Variants in MYO3A observed in about 807,000 individuals in gnomAD.
MYO3A encodes myosin-IIIa.
A neutral mutation model predicts 192.7 loss-of-function variants in MYO3A; 180 were observed. The observed-to-expected ratio is 0.93, with a 90% CI of 0.83 to 1.06. The LOEUF (loss-of-function observed/expected upper bound fraction) is 1.06, where lower values mean the gene tolerates loss of function less well. Among genes scored for constraint, MYO3A ranks in the 50% least tolerant of loss-of-function variants. The pLI, the probability that MYO3A is intolerant of heterozygous loss-of-function variation, is 0.00. For synonymous variants in MYO3A, 628 were observed against 645.3 expected (o/e 0.97, Z 0.41); for missense variants, 1,896 against 1,905.0 (o/e 1.00, Z 0.09).
At chr10:26,033,779 G>A (rs565465395) in intron 10 of MYO3A, among the ~76,000 whole-genome samples, 4 of 152,224 alleles carry the variant, frequency 2.6e-5, no homozygotes, top group South Asian at 4.1e-4. Context: ...CCAGGAGGTC[G>A]CCTTTGAATC....
intron 31 of MYO3A, among the ~76,000 whole-genome samples, chr10:26,181,127 G>A (rs756905751): frequency 3.9e-5 from 6 of 151,998 alleles, no homozygotes; most frequent in Non-Finnish European, 7.4e-5. Context: ...AGATACATAC[G>A]AACAGAAAAG....
At chr10:25,990,655 T>TC (rs533362842) in intron 4 of MYO3A, among the ~76,000 whole-genome samples, 1 of 72,946 alleles carries the variant, frequency 1.4e-5, no homozygotes, top group Non-Finnish European at 2.6e-5. Flanking sequence ...AGGCTACCCC[T>TC]CCCCCCTCCC....
chr10:26,209,626 T>G (rs1844129845), intron 34 of MYO3A, among the ~76,000 whole-genome samples: 1 of 152,234 alleles, frequency 6.6e-6, no homozygotes, highest in Admixed American at 6.5e-5. Context: ...CTTTAAGTAC[T>G]TCATTCACTG....
chr10:26,070,097 T>C lies in MYO3A; in HGVS notation c.1171-14T>C, dbSNP rs1234660235. Reference sequence around the variant, plus strand: ...ACAAAAAGCCCTACAAAATGTATTCTTTTTAACCTTTAGCATTCCAAACTA... The same window carrying C: ...ACAAAAAGCCCTACAAAATGTATTCCTTTTAACCTTTAGCATTCCAAACTA... On this transcript the variant is annotated splice_polypyrimidine_tract_variant and intron_variant, in intron 12 of 34. Coordinates refer to ENST00000642920, the MANE Select transcript of MYO3A (RefSeq NM_017433.5). 8 of 1,576,096 alleles carry C rather than the reference T, an allele frequency of 5.1e-6. No homozygotes were observed. In the South Asian group the frequency reaches 7.8e-5, roughly 15 times the overall value.
chr10:25,988,120 C>A, intron 4 of MYO3A, among the ~76,000 whole-genome samples: 1 of 152,038 alleles, frequency 6.6e-6, no homozygotes, highest in Non-Finnish European at 1.5e-5. Flanking sequence ...AATGGAAAAC[C>A]AAACATCATA....
intron 18 of MYO3A, among the ~76,000 whole-genome samples, chr10:26,121,374 G>A (rs970704674): frequency 6.6e-6 from 1 of 151,922 alleles, no homozygotes; most frequent in South Asian, 2.1e-4. Context: ...ATTTAGTGTT[G>A]CCTAGTATGC....
intron 14 of MYO3A, among the ~76,000 whole-genome samples, chr10:26,086,430 A>C (rs982530917): frequency 3.3e-5 from 5 of 152,198 alleles, no homozygotes; most frequent in African/African-American, 1.2e-4. Flanking sequence ...GAGGGAGAGC[A>C]CTAGGAGCTT....
At chr10:26,069,582 G>T (rs932260252) in intron 12 of MYO3A, among the ~76,000 whole-genome samples, 1 of 151,988 alleles carries the variant, frequency 6.6e-6, no homozygotes, top group African/African-American at 2.4e-5. Context: ...AAAATTTACA[G>T]AAATAACAGT....
chr10:26,118,070 G>C (rs369858777), intron 17 of MYO3A, among the ~76,000 whole-genome samples: 2 of 152,114 alleles, frequency 1.3e-5, no homozygotes, highest in Non-Finnish European at 2.9e-5. Flanking sequence ...TTGTGGTTTT[G>C]ATTTGCATTT....
chr10:26,150,414 C>T (rs1324075159), intron 23 of MYO3A, among the ~76,000 whole-genome samples: 1 of 152,100 alleles, frequency 6.6e-6, no homozygotes, highest in Admixed American at 6.5e-5. Flanking sequence ...TTATTTCTTC[C>T]TAAGTTGCTT....
At chr10:26,139,772 A>T (rs1343113230) in intron 20 of MYO3A, among the ~76,000 whole-genome samples, 1 of 152,106 alleles carries the variant, frequency 6.6e-6, no homozygotes, top group African/African-American at 2.4e-5. Context: ...CACGCCTGTA[A>T]TCCCAGCTAC....
At chr10:26,039,290 C>T (rs997432545) in intron 10 of MYO3A, among the ~76,000 whole-genome samples, 8 of 146,056 alleles carry the variant, frequency 5.5e-5, no homozygotes, top group African/African-American at 1.5e-4. Context: ...GAATTCCCAA[C>T]CTCAGGTCAT....
chr10:26,201,473 G>A (rs928231542), intron 33 of MYO3A, among the ~76,000 whole-genome samples, 168 bp downstream of exon 33: 1 of 151,944 alleles, frequency 6.6e-6, no homozygotes, highest in South Asian at 2.1e-4. Context: ...GAGGTCAGGA[G>A]ATCGAGACCA....
At position 26,154,767 on chromosome 10, in the gene MYO3A, C is replaced by A. The variant is rs550530253; in HGVS notation, c.2737C>A (p.Arg913Ser). ...TTAGGGCGACACTGGAGAAGCCACA[C>A]GTCATGCCAGAGAGACAACCAACAT... Reference protein sequence around the residue: ...LAKGDTGEATRHARETTNMKT... With the variant: ...LAKGDTGEATSHARETTNMKT... The change falls in exon 25 of 35, where the codon CGT becomes AGT. Residue 913 changes from arginine to serine, a missense_variant. By Grantham distance (110) the Arg-to-Ser change is moderately radical. Coordinates refer to ENST00000642920, the MANE Select transcript of MYO3A (RefSeq NM_017433.5). 1 of 1,613,618 alleles carries A rather than the reference C, an allele frequency of 6.2e-7. No homozygotes were observed. Among genetic ancestry groups the A allele is most frequent in the African/African-American group, 1.3e-5 (1 of 74,902 alleles).
chr10:25,947,572 T>C (rs2130495932), intron 2 of MYO3A, among the ~76,000 whole-genome samples: 1 of 152,086 alleles, frequency 6.6e-6, no homozygotes, highest in South Asian at 2.1e-4. Context: ...TTTGTATTTT[T>C]AGTAGAGACA....
intron 15 of MYO3A, among the ~76,000 whole-genome samples, chr10:26,094,883 C>CT (rs1316233094): frequency 6.6e-6 from 1 of 152,112 alleles, no homozygotes; most frequent in Non-Finnish European, 1.5e-5. Flanking sequence ...ATGAAGTGGG[C>CT]TTTTTTCCGT....
intron 14 of MYO3A, among the ~76,000 whole-genome samples, chr10:26,079,460 C>T (rs574390165): frequency 1.4e-4 from 21 of 152,038 alleles, no homozygotes; most frequent in Non-Finnish European, 2.4e-4. Flanking sequence ...TCTGCAGTTC[C>T]GTATCTTTTA....
At chr10:26,081,713 C>A (rs1835970170) in intron 14 of MYO3A, among the ~76,000 whole-genome samples, 1 of 152,182 alleles carries the variant, frequency 6.6e-6, no homozygotes, top group South Asian at 2.1e-4. Flanking sequence ...TGCTAGGGGA[C>A]CCAGGAAGCT....
intron 32 of MYO3A, 33 bp downstream of exon 32, chr10:26,193,344 C>G (rs1843246178): frequency 1.3e-6 from 2 of 1,488,554 alleles, no homozygotes; most frequent in African/African-American, 2.8e-5. Context: ...CAGATGGGAG[C>G]CATCACATCT....
Sources: gnomAD v4.1 joint callset for allele counts (sites outside exome capture counted in the v4.1 genomes callset) on GRCh38, gnomAD v4.1.1 for gene constraint, MANE v1.5 for transcripts, NCBI Gene and HGNC (gene_info 2026-07-23, HGNC 2026-07-21) for gene names.